RBFOX1: variants seen among roughly 807,000 people sequenced by gnomAD.
RBFOX1 encodes RNA binding protein fox-1 homolog 1.
A neutral mutation model predicts 57.7 loss-of-function variants in RBFOX1; 8 were observed. The ratio of observed to expected loss-of-function variants is 0.14; its 90% CI spans 0.08 to 0.25. The LOEUF is 0.25. RBFOX1 is among the 10% of genes least tolerant of loss of function. The pLI is 1.00. For synonymous variants in RBFOX1, 326 were observed against 222.4 expected (o/e 1.47, Z -4.15); for missense variants, 611 against 548.5 (o/e 1.11, Z -1.14).
chr16:7,510,395 C>G (rs2074708020), intron 4 of RBFOX1: 1 of 948,020 alleles, frequency 1.1e-6, no homozygotes, highest in East Asian at 1.2e-4. Context: ...GTGTTAAGTC[C>G]GTGCTGTCGG....
intron 4 of RBFOX1, among the ~76,000 whole-genome samples, chr16:7,147,584 C>T (rs1477631319): frequency 1.3e-5 from 2 of 152,156 alleles, no homozygotes; most frequent in African/African-American, 4.8e-5. Flanking sequence ...GTTTTCTGTT[C>T]CTGCATTAAT....
intron 2 of RBFOX1, among the ~76,000 whole-genome samples, chr16:6,503,079 A>C (rs2095985230): frequency 6.6e-6 from 1 of 152,202 alleles, no homozygotes; most frequent in Non-Finnish European, 1.5e-5. Context: ...GGATGCATGG[A>C]TATATTCTCA....
chr16:7,520,290 C>A (rs891671336), intron 5 of RBFOX1, among the ~76,000 whole-genome samples: 2 of 152,128 alleles, frequency 1.3e-5, no homozygotes, highest in Non-Finnish European at 2.9e-5. Flanking sequence ...TAAAACTTAA[C>A]CATTTTAATC....
At chr16:6,527,551 C>T (rs1473429400) in intron 2 of RBFOX1, among the ~76,000 whole-genome samples, 1 of 152,118 alleles carries the variant, frequency 6.6e-6, no homozygotes, top group Non-Finnish European at 1.5e-5. Flanking sequence ...ATTCAGGCCA[C>T]TTGAAACACA....
chr16:5,341,759 T>G (rs1012005640), intron 1 of RBFOX1, among the ~76,000 whole-genome samples: 1 of 152,162 alleles, frequency 6.6e-6, no homozygotes, highest in Non-Finnish European at 1.5e-5. Context: ...TGGTGGCCCC[T>G]TTTGTGGGGA....
rs12102424 is a variant in RBFOX1 at position 6,982,471 on chromosome 16, G to A, written c.-15-69586G>A. 4.0e-3 allele frequency among the ~76,000 whole-genome samples: 613 copies of A among 152,188 alleles called. 8 individuals are homozygous for A. The highest frequency in any genetic ancestry group is 0.014 in the African/African-American group (584 of 41,520). On this transcript the variant is annotated intron_variant, in intron 3 of 15. Coordinates refer to ENST00000550418, the MANE Select transcript of RBFOX1 (RefSeq NM_018723.4). Reference sequence around the variant, plus strand: ...CATTGCAGCGAGCTCCTTCTCATTCGTTCATGAGAGTCGTTGACGAGGTGG... The same window carrying A: ...CATTGCAGCGAGCTCCTTCTCATTCATTCATGAGAGTCGTTGACGAGGTGG...
In RBFOX1 at chr16:6,847,338, T is replaced by C. The variant is rs184713879; in HGVS notation, c.-16+192688T>C. On this transcript the variant is annotated intron_variant, in intron 3 of 15. Coordinates refer to ENST00000550418, the MANE Select transcript of RBFOX1 (RefSeq NM_018723.4). ...CATGCTATGGGTCCAGCCAGACCTG[T>C]GTCCTCACAACTGCAAGGGGGTCTT... Among the ~76,000 whole-genome samples, 486 of 152,272 alleles carry C rather than the reference T, an allele frequency of 3.2e-3. 5 individuals carry two copies. Among genetic ancestry groups the C allele is most frequent in the African/African-American group, 0.011 (470 of 41,560 alleles).
chr16:7,332,982 A>G lies in RBFOX1; in HGVS notation c.28-185165A>G, dbSNP rs751710260. The G allele has an allele frequency of 3.1e-6, 5 of 1,613,250 alleles. No homozygotes were observed. The Admixed American group carries it at 5.0e-5, about 16-fold the overall frequency. On this transcript the variant is annotated intron_variant, in intron 4 of 15. Transcript: ENST00000550418. ...ATTGATGTGTTGAGCTTCAGAGGGA[A>G]TAATAACTCTACGTAAAGCATGCTG...
intron 1 of RBFOX1, among the ~76,000 whole-genome samples, chr16:6,062,829 C>T (rs1440344011): frequency 6.6e-6 from 1 of 151,966 alleles, no homozygotes; most frequent in East Asian, 1.9e-4. Context: ...ATTTGTAGGG[C>T]AGATTAGCAG....
chr16:5,767,126 C>T (rs760393365), intron 3 of RBFOX1, among the ~76,000 whole-genome samples: 1 of 152,220 alleles, frequency 6.6e-6, no homozygotes, highest in Admixed American at 6.5e-5. Flanking sequence ...CCCTCCAGAG[C>T]CCCTACCTAG....
intron 3 of RBFOX1, among the ~76,000 whole-genome samples, chr16:6,900,241 A>G (rs2068113259): frequency 6.6e-6 from 1 of 152,212 alleles, no homozygotes; most frequent in Admixed American, 6.5e-5. Context: ...AGCACGTTCA[A>G]ACATCCCATC....
At chr16:6,347,010 A>C (rs894449853) in intron 2 of RBFOX1, among the ~76,000 whole-genome samples, 2 of 152,144 alleles carry the variant, frequency 1.3e-5, no homozygotes, top group Non-Finnish European at 2.9e-5. Flanking sequence ...ACATTGAATA[A>C]AGATCATGAT....
chr16:5,718,913 T>C (rs557663189), intron 3 of RBFOX1, among the ~76,000 whole-genome samples: 1 of 150,280 alleles, frequency 6.7e-6, no homozygotes, highest in South Asian at 2.1e-4. Context: ...CTTCTCAAAA[T>C]GAATGAATGA....
intron 1 of RBFOX1, among the ~76,000 whole-genome samples, chr16:6,286,762 C>T (rs1276833681): frequency 6.6e-6 from 1 of 152,138 alleles, no homozygotes; most frequent in African/African-American, 2.4e-5. Flanking sequence ...ATTCATTCAG[C>T]CTAGCCAGTA....
chr16:5,369,637 A>C (rs565953334), intron 1 of RBFOX1, among the ~76,000 whole-genome samples: 1 of 152,210 alleles, frequency 6.6e-6, no homozygotes, highest in Non-Finnish European at 1.5e-5. Flanking sequence ...TATGCTGGGC[A>C]AACTTGCTTC....
At chr16:7,534,358 G>C (rs2080970588) in intron 5 of RBFOX1, among the ~76,000 whole-genome samples, 1 of 151,922 alleles carries the variant, frequency 6.6e-6, no homozygotes, top group Non-Finnish European at 1.5e-5. Context: ...CTACCAAAGT[G>C]CTGGGATTAC....
At chr16:5,982,206 C>A (rs878984759) in intron 4 of RBFOX1, among the ~76,000 whole-genome samples, 1 of 152,188 alleles carries the variant, frequency 6.6e-6, no homozygotes, top group Non-Finnish European at 1.5e-5. Context: ...GAACCAGCTA[C>A]ATTGCCGCCA....
intron 4 of RBFOX1, among the ~76,000 whole-genome samples, chr16:7,121,791 C>T (rs978348765): frequency 6.6e-6 from 1 of 151,574 alleles, no homozygotes; most frequent in African/African-American, 2.4e-5. Context: ...TTATATAAGC[C>T]TATAGAAGTA....
At chr16:5,759,311 G>A (rs892965958) in intron 3 of RBFOX1, among the ~76,000 whole-genome samples, 1 of 152,146 alleles carries the variant, frequency 6.6e-6, no homozygotes, top group East Asian at 1.9e-4. Flanking sequence ...CCCATAGTGG[G>A]AATTGGTGAA....
Sources: allele counts gnomAD v4.1 joint callset (sites outside exome capture counted in the v4.1 genomes callset), GRCh38; gene constraint gnomAD v4.1.1; transcripts MANE v1.5; gene names NCBI Gene and HGNC (gene_info 2026-07-23, HGNC 2026-07-21).